The following TKT variants were observed in gnomAD, a reference collection of about 807,000 sequenced individuals.
The protein encoded by TKT is epididymis luminal protein 107.
In TKT, 47 loss-of-function variants were observed where a neutral mutation model predicts 63.9. The observed-to-expected ratio is 0.74, with a 90% confidence interval of 0.58 to 0.94. The LOEUF is 0.94. Ranked by LOEUF, TKT falls within the 40% of genes least tolerant of loss-of-function variation. TKT has a pLI of 0.00. For synonymous variants in TKT, 338 were observed against 334.1 expected (o/e 1.01, Z -0.13); for missense variants, 721 against 846.2 (o/e 0.85, Z 1.84).
At chr3:53,239,643 C>G (rs111495714) in intron 4 of TKT, among the ~76,000 whole-genome samples, 10 of 152,236 alleles carry the variant, frequency 6.6e-5, no homozygotes, top group African/African-American at 1.4e-4. Context: ...TAGAACCTTC[C>G]TGGGGGGCCG....
intron 6 of TKT, chr3:53,232,641 C>T (rs1190500659): frequency 3.5e-5 from 14 of 397,976 alleles, no homozygotes; most frequent in Middle Eastern, 6.2e-4. Context: ...CCTCATTCTC[C>T]GGCCTGGGGC....
At chr3:53,237,204 G>A (rs1392459747) in intron 4 of TKT, among the ~76,000 whole-genome samples, 3 of 151,850 alleles carry the variant, frequency 2.0e-5, no homozygotes, top group South Asian at 2.1e-4. Flanking sequence ...CCTGGCCAAC[G>A]TCATGAAACC....
At chr3:53,226,970 G>C (rs577560630) in intron 12 of TKT, 92 bp from the exon 13 acceptor site, 2 of 1,466,018 alleles carry the variant, frequency 1.4e-6, no homozygotes, top group Admixed American at 2.2e-5. Context: ...TGAGGGCTGC[G>C]TGTAGCTAAG....
chr3:53,229,988 C>T (rs782022169), intron 8 of TKT, among the ~76,000 whole-genome samples: 13 of 152,358 alleles, frequency 8.5e-5, no homozygotes, highest in Non-Finnish European at 1.8e-4. Flanking sequence ...AACCTCAGTT[C>T]CTGACAAGGG....
At chr3:53,252,487 TAC>T (rs1437996214) in intron 1 of TKT, among the ~76,000 whole-genome samples, 1 of 152,310 alleles carries the variant, frequency 6.6e-6, no homozygotes, top group South Asian at 2.1e-4. Context: ...AACATATACA[TAC>T]ACACACACAG....
intron 1 of TKT, among the ~76,000 whole-genome samples, chr3:53,251,455 T>C (rs2106732110): frequency 1.3e-5 from 2 of 152,296 alleles, no homozygotes; most frequent in South Asian, 4.1e-4. Flanking sequence ...AGAGAAGCTC[T>C]AGCCACTGTG....
chr3:53,235,882 T>G (rs1248889365), intron 4 of TKT, among the ~76,000 whole-genome samples: 1 of 35,804 alleles, frequency 2.8e-5, no homozygotes, highest in African/African-American at 6.1e-5. Context: ...TTCAAGACAG[T>G]GAGACGTTAA....
At position 53,247,267 on chromosome 3, in the gene TKT, G is replaced by C. The variant is rs543310112; in HGVS notation, c.108-5025C>G. On this transcript the variant is annotated intron_variant, in intron 1 of 13. Transcript: ENST00000462138. Reference sequence around the variant, plus strand: ...AGCTACTTGGGAGACTGAGGCAGGAGAATCGCTTGAACCTGGGAGGCAGAG... The same window carrying C: ...AGCTACTTGGGAGACTGAGGCAGGACAATCGCTTGAACCTGGGAGGCAGAG... 2.0e-5 allele frequency among the ~76,000 whole-genome samples: 3 copies of C among 146,416 alleles called. No individual in the cohort carries two copies. The East Asian group carries it at 6.1e-4, about 30-fold the overall frequency.
chr3:53,240,175 C>T (rs944866475), intron 4 of TKT, 76 bp downstream of exon 4: 45 of 1,389,226 alleles, frequency 3.2e-5, no homozygotes, highest in Middle Eastern at 4.7e-4. Context: ...AGTCTGGGGG[C>T]GATGGTGAAG....
In TKT at chr3:53,229,305, G is replaced by T; in HGVS notation, c.1239C>A (p.Cys413Ter). 6.2e-7 allele frequency: 1 copy of T among 1,613,966 alleles called. No individual in the cohort carries two copies. The highest frequency in any genetic ancestry group is 1.3e-5 in the African/African-American group (1 of 75,002). The change falls in exon 9 of 14, where the codon TGC (cysteine) becomes TGA (stop). Residue 413 changes from cysteine to a stop codon, truncating the protein, a stop_gained. Coordinates refer to ENST00000462138, the MANE Select transcript of TKT (RefSeq NM_001064.4). LOFTEE classifies it high-confidence loss of function. The stretch of plus-strand genomic sequence containing the variant: ...CGATGGAAACGCCGCAGTGGGAGCC[G>T]CAGAGGTTGATGTTGCTCTCGGAGA... Reference protein sequence around the residue: ...AAISESNINLCGSHCGVSIGE... With the variant: ...AAISESNINL
Position 53,233,258 on chromosome 3 carries a change from CGAT to C in TKT, c.643_645del (p.Ile215del). 1.2e-6 allele frequency: 2 copies of C among 1,611,288 alleles called. No homozygotes were observed. The highest frequency in any genetic ancestry group is 1.7e-6 in the Non-Finnish European group (2 of 1,178,712). ...AGCTCCTCCACGCTGTGTCCATCCA[CGAT>C]GATGGCATGCCAACTGGGGACAGGG... On this transcript the variant is annotated inframe_deletion, in exon 6 of 14. Coordinates refer to ENST00000462138, the MANE Select transcript of TKT (RefSeq NM_001064.4).
intron 13 of TKT, chr3:53,226,465 C>A: frequency 2.4e-6 from 1 of 424,678 alleles, no homozygotes; most frequent in Non-Finnish European, 4.3e-6. Context: ...AGCTTCCACC[C>A]TACACTACCT....
At chr3:53,254,595 C>T (rs1705899121) in intron 1 of TKT, among the ~76,000 whole-genome samples, 1 of 152,190 alleles carries the variant, frequency 6.6e-6, no homozygotes, top group Non-Finnish European at 1.5e-5. Context: ...TGGGAAGGTC[C>T]CGAGAAATCA....
Position 53,240,363 on chromosome 3 carries a change from G to T in TKT, c.340-15C>A, listed in dbSNP as rs1553679543. 1 of 1,607,702 alleles carries T rather than the reference G, an allele frequency of 6.2e-7. No homozygotes were observed. Among genetic ancestry groups the T allele is most frequent in the South Asian group, 1.1e-5 (1 of 90,692 alleles). ...AAAGCTTGTTTCTGTCATAACAGAAGGCCACCGTTAATCTGAGAGGAGAAG... is the reference window on the plus strand; with the variant it reads ...AAAGCTTGTTTCTGTCATAACAGAATGCCACCGTTAATCTGAGAGGAGAAG... On this transcript the variant is annotated splice_polypyrimidine_tract_variant and intron_variant, in intron 3 of 13. Transcript: ENST00000462138.
At chr3:53,229,478 G>A (rs781875023) in intron 8 of TKT, 42 bp from the exon 9 acceptor site, 23 of 1,570,720 alleles carry the variant, frequency 1.5e-5, no homozygotes, top group Non-Finnish European at 2.0e-5. Flanking sequence ...GGGGCAGGCA[G>A]AGGGTGGTCG....
chr3:53,229,332 G>A lies in TKT; in HGVS notation c.1212C>T (p.Ala404=). The stretch of plus-strand genomic sequence containing the variant: ...AGAGGTTGATGTTGCTCTCGGAGAT[G>A]GCGGCCATGCGAATCTGGTCAAAGG... The part of the protein sequence containing the change: ...TRAFDQIRMA[A]ISESNINLCG... The change falls in exon 9 of 14, where the codon GCC becomes GCT. Residue 404 remains alanine, a synonymous_variant. Coordinates refer to ENST00000462138, the MANE Select transcript of TKT (RefSeq NM_001064.4). 6.2e-7 allele frequency: 1 copy of A among 1,613,914 alleles called. No homozygotes were observed.
chr3:53,231,691 C>A, intron 6 of TKT, 141 bp from the exon 7 acceptor site: 1 of 848,822 alleles, frequency 1.2e-6, no homozygotes, highest in Non-Finnish European at 1.8e-6. Flanking sequence ...AGAGCCCAGC[C>A]AGGCACGGGG....
chr3:53,245,306 CAAAAAAA>C (rs781814492), intron 1 of TKT, among the ~76,000 whole-genome samples: 1 of 92,158 alleles, frequency 1.1e-5, no homozygotes, highest in East Asian at 4.1e-4. Context: ...CACTCCATCT[CAAAAAAA>C]AAAAAAAAAA....
intron 4 of TKT, among the ~76,000 whole-genome samples, chr3:53,238,316 T>C (rs1461679746): frequency 6.6e-6 from 1 of 152,268 alleles, no homozygotes; most frequent in Non-Finnish European, 1.5e-5. Context: ...AACATGCATC[T>C]CATTCTTTGT....
Sources: gnomAD v4.1 joint callset for allele counts (sites outside exome capture counted in the v4.1 genomes callset) on GRCh38, gnomAD v4.1.1 for gene constraint, MANE v1.5 for transcripts, NCBI Gene and HGNC (gene_info 2026-07-23, HGNC 2026-07-21) for gene names.